NR1H4: variants seen among roughly 807,000 people sequenced by gnomAD.
NR1H4 encodes nuclear receptor subfamily 1 group H member 4.
Under a neutral mutation model 58.5 loss-of-function variants are expected in NR1H4, and 23 were observed. The ratio of observed to expected loss-of-function variants is 0.39; its 90% confidence interval spans 0.28 to 0.56. The LOEUF (loss-of-function observed/expected upper bound fraction) is 0.56. Ranked by LOEUF, NR1H4 falls within the 20% of genes least tolerant of loss-of-function variation. The pLI, the probability that NR1H4 is intolerant of heterozygous loss-of-function variation, is 0.58. For synonymous variants in NR1H4, 214 were observed against 198.0 expected, an observed-to-expected ratio of 1.08 and a Z score of -0.68; for missense variants, 487 against 576.9, an observed-to-expected ratio of 0.84 and a Z score of 1.60.
At chr12:100,493,194 G>A (rs952222101) in intron 2 of NR1H4, 76 bp from the exon 3 acceptor site, 3 of 682,546 alleles carry the variant, frequency 4.4e-6, no homozygotes, top group East Asian at 2.7e-5. Flanking sequence ...AAACTATCTC[G>A]CTGTCTCCTT....
At chr12:100,541,262 A>G (rs951774410) in intron 9 of NR1H4, among the ~76,000 whole-genome samples, 1 of 151,342 alleles carries the variant, frequency 6.6e-6, no homozygotes, top group Non-Finnish European at 1.5e-5. Context: ...TAGGTCTCAG[A>G]CACTTTTCTT....
In NR1H4 at chr12:100,509,915, G is replaced by GCACACA. The variant is rs139809053; in HGVS notation, c.80-842_80-837dup. On this transcript the variant is annotated intron_variant, in intron 3 of 10. Coordinates refer to ENST00000392986, the MANE Select transcript of NR1H4 (RefSeq NM_001206979.2). ...TGTCTTTGCACGTGGGCACGTGCGC[G>GCACACA]CACACACACACACACACACACACAC... Among the ~76,000 whole-genome samples, 21 of 131,692 alleles carry GCACACA rather than the reference G, an allele frequency of 1.6e-4. 1 individual carries two copies. In the South Asian group the frequency reaches 3.8e-3, roughly 24 times the overall value. The allele number at this position is 131,692 out of a possible 152,430, so 86.4% of individuals were successfully genotyped here.
chr12:100,517,934 T>C (rs1345410955), intron 4 of NR1H4, among the ~76,000 whole-genome samples: 3 of 152,228 alleles, frequency 2.0e-5, no homozygotes, highest in African/African-American at 7.2e-5. Flanking sequence ...ATGCCTTTTA[T>C]TGGTTGTCCA....
rs143392322 is a variant in NR1H4, at chr12:100,515,021, A to T, written c.445+3878A>T. ...GTTTGGTATCACTAGACCATGTGTC[A>T]TATGAGGCCTCAATTCTCCACTGCT... is the stretch of plus-strand genomic sequence containing the variant. On this transcript the variant is annotated intron_variant, in intron 4 of 10. Transcript: ENST00000392986. 3.9e-4 allele frequency among the ~76,000 whole-genome samples: 59 copies of T among 152,246 alleles called. No individual in the cohort carries two copies. In the East Asian group the frequency reaches 9.9e-3, roughly 25 times the overall value.
intron 9 of NR1H4, among the ~76,000 whole-genome samples, chr12:100,559,790 C>T (rs967322313): frequency 3.3e-5 from 5 of 152,248 alleles, no homozygotes; most frequent in Admixed American, 3.3e-4. Flanking sequence ...GACTGGCAGA[C>T]AGCTCCACCT....
chr12:100,514,201 TTAGA>T lies in NR1H4; in HGVS notation c.445+3061_445+3064del, dbSNP rs541575560. ...ATTATTACAGGAATTCAAAAAGAGG[TTAGA>T]TAAACAGGTTTGAGTACAGGAGATT... On this transcript the variant is annotated intron_variant, in intron 4 of 10. Transcript: ENST00000392986. Among the ~76,000 whole-genome samples, 88 of 152,272 alleles carry T rather than the reference TTAGA, an allele frequency of 5.8e-4. 3 individuals are homozygous for T. In the South Asian group the frequency reaches 0.012, roughly 20 times the overall value.
intron 9 of NR1H4, among the ~76,000 whole-genome samples, chr12:100,550,790 C>T (rs1473539065): frequency 6.6e-6 from 1 of 152,122 alleles, no homozygotes; most frequent in Non-Finnish European, 1.5e-5. Flanking sequence ...TTTTTCCATC[C>T]CCACAAGGGA....
At chr12:100,494,569 C>A (rs1953671243) in intron 3 of NR1H4, among the ~76,000 whole-genome samples, 1 of 152,198 alleles carries the variant, frequency 6.6e-6, no homozygotes, top group South Asian at 2.1e-4. Flanking sequence ...TTATTAAATG[C>A]CAGTTCTCCC....
chr12:100,562,131 A>G (rs1955490267), intron 10 of NR1H4, 133 bp downstream of exon 10: 2 of 623,364 alleles, frequency 3.2e-6, no homozygotes, highest in Admixed American at 5.7e-5. Context: ...TGCTATCCAA[A>G]TAGAACCATT....
At chr12:100,536,454 TAGAA>T in intron 6 of NR1H4, 54 bp from the exon 7 acceptor site, 1 of 998,504 alleles carries the variant, frequency 1.0e-6, no homozygotes, top group Non-Finnish European at 1.6e-6. Flanking sequence ...AATGCACATA[TAGAA>T]AGAAGGCTTT....
At chr12:100,557,263 T>G (rs1955350455) in intron 9 of NR1H4, among the ~76,000 whole-genome samples, 1 of 107,384 alleles carries the variant, frequency 9.3e-6, no homozygotes, top group African/African-American at 3.1e-5. Context: ...GGAGCAGGCA[T>G]GTCACATGGT....
intron 3 of NR1H4, among the ~76,000 whole-genome samples, chr12:100,494,465 T>C (rs1953669553): frequency 6.6e-6 from 1 of 152,188 alleles, no homozygotes; most frequent in Admixed American, 6.5e-5. Flanking sequence ...AAGAGTCCAG[T>C]AATAAATAAT....
chr12:100,545,070 G>A lies in NR1H4; in HGVS notation c.1078+4252G>A, dbSNP rs371345275. ...AGGGCATCTGCAGGAGAATTATCTG[G>A]TGGTTGTTCTATCTTTCTTTCTCTG... On this transcript the variant is annotated intron_variant, in intron 9 of 10. Coordinates refer to ENST00000392986, the MANE Select transcript of NR1H4 (RefSeq NM_001206979.2). Among the ~76,000 whole-genome samples the A allele has an allele frequency of 1.2e-3, 190 of 152,146 alleles. 1 individual carries two copies. In the South Asian group the frequency reaches 0.017, roughly 13 times the overall value.
chr12:100,527,927 A>G (rs1057433032), intron 4 of NR1H4, among the ~76,000 whole-genome samples: 6 of 152,238 alleles, frequency 3.9e-5, no homozygotes, highest in African/African-American at 1.4e-4. Context: ...GATTGTTATG[A>G]ATAGGAAATG....
At chr12:100,509,864 A>G (rs1309706168) in intron 3 of NR1H4, among the ~76,000 whole-genome samples, 1 of 152,138 alleles carries the variant, frequency 6.6e-6, no homozygotes, top group East Asian at 1.9e-4. Context: ...ACCACCACCT[A>G]CTTTCTTCTG....
chr12:100,526,898 T>C (rs1309647685), intron 4 of NR1H4, among the ~76,000 whole-genome samples: 2 of 152,172 alleles, frequency 1.3e-5, no homozygotes, highest in African/African-American at 4.8e-5. Flanking sequence ...AAAAATCCTA[T>C]GTGAGAGTTA....
chr12:100,551,271 A>C (rs576489448), intron 9 of NR1H4, among the ~76,000 whole-genome samples: 1 of 152,336 alleles, frequency 6.6e-6, no homozygotes, highest in African/African-American at 2.4e-5. Flanking sequence ...AGGGTGATGA[A>C]GTTGTAGCCC....
intron 2 of NR1H4, 42 bp downstream of exon 2, chr12:100,492,679 A>T (rs902461848): frequency 6.6e-6 from 1 of 152,122 alleles, no homozygotes; most frequent in Non-Finnish European, 1.5e-5. Context: ...TATCTTTTTA[A>T]AAAGCCCCGG....
intron 4 of NR1H4, among the ~76,000 whole-genome samples, chr12:100,520,668 C>G (rs1221385823): frequency 6.6e-6 from 1 of 152,188 alleles, no homozygotes; most frequent in African/African-American, 2.4e-5. Flanking sequence ...AAGCTAGTGA[C>G]TGGAAGCCAG....
Sources: gnomAD v4.1 joint callset for allele counts (sites outside exome capture counted in the v4.1 genomes callset) on GRCh38, gnomAD v4.1.1 for gene constraint, MANE v1.5 for transcripts, NCBI Gene and HGNC (gene_info 2026-07-23, HGNC 2026-07-21) for gene names.